SPANXN2: variants seen among roughly 807,000 people sequenced by gnomAD.
SPANXN2 encodes the protein sperm protein associated with the nucleus on the X chromosome N2.
SPANXN2 carries 1 observed loss-of-function variant against 2.0 expected under a neutral mutation model. That is an observed-to-expected ratio of 0.50 (90% confidence interval 0.18 to 2.36). The LOEUF (loss-of-function observed/expected upper bound fraction) is 2.36. SPANXN2 is among the 30% of genes most tolerant of loss of function. The pLI is 0.26. For synonymous variants in SPANXN2, 43 were observed against 49.8 expected, an observed-to-expected ratio of 0.86 and a Z score of 0.58; for missense variants, 88 against 116.7, an observed-to-expected ratio of 0.75 and a Z score of 1.13.
rs782465012 is a variant in SPANXN2 at position 143,718,428 on chromosome X, A to G, written c.78+2163T>C. On this transcript the variant is annotated intron_variant, in intron 1 of 1. Coordinates refer to ENST00000598475, the Ensembl canonical transcript of SPANXN2. Reference sequence around the variant, plus strand: ...AACCAGCGGGCTGGGTCTGAATCACAGACTCCTCCTCCCCCGCTCTCCAAC... The same window carrying G: ...AACCAGCGGGCTGGGTCTGAATCACGGACTCCTCCTCCCCCGCTCTCCAAC... Among the ~76,000 whole-genome samples, 3 of 111,516 alleles carry G rather than the reference A, an allele frequency of 2.7e-5. No individual in the cohort carries two copies. In the East Asian group the frequency reaches 8.5e-4, roughly 32 times the overall value.
chrX:143,718,390 T>A (rs1932305877), intron 1 of SPANXN2, among the ~76,000 whole-genome samples: 1 of 111,232 alleles, frequency 9.0e-6, no homozygotes, highest in Non-Finnish European at 1.9e-5. Flanking sequence ...AAAACACTCC[T>A]CCCTGTCCCT....
At chrX:143,714,194 C>T (rs1932219155) in intron 1 of SPANXN2, among the ~76,000 whole-genome samples, 1 of 110,730 alleles carries the variant, frequency 9.0e-6, no homozygotes, top group South Asian at 3.9e-4. Flanking sequence ...GGCACATGCC[C>T]AAAGGCCTTC....
chrX:143,713,124 A>C, intron 1 of SPANXN2, among the ~76,000 whole-genome samples: 1 of 111,190 alleles, frequency 9.0e-6, no homozygotes, highest in East Asian at 2.9e-4. Flanking sequence ...CTTCCCTTCA[A>C]AACCTAACAT....
Position 143,712,337 on chromosome X carries a change from C to T in SPANXN2, c.241G>A (p.Val81Ile), listed in dbSNP as rs782507654. ...AGGCCTTCGTCCTCCTCCTCTTGGA[C>T]TGGATTGATGGAGTTCTCTCGGGAC... Residue 81 changes from valine (V) to isoleucine (I), a missense_variant, in exon 2 of 2, where the codon GTC becomes ATC. Around this residue, in one of 2 missense-constraint regions of SPANXN2, gnomAD observed 59 missense variants for 56.4 expected, o/e 1.05. Coordinates refer to ENST00000598475, the Ensembl canonical transcript of SPANXN2. 36 of 1,211,230 alleles carry T rather than the reference C, an allele frequency of 3.0e-5. 1 individual carries two copies. Among genetic ancestry groups the T allele is most frequent in the African/African-American group, 1.0e-4 (6 of 57,517 alleles).
At chrX:143,715,675 C>T (rs1180699102) in intron 1 of SPANXN2, among the ~76,000 whole-genome samples, 2 of 105,161 alleles carry the variant, frequency 1.9e-5, no homozygotes, top group Non-Finnish European at 3.9e-5. Context: ...TAGGGGGTCT[C>T]AAACCTATTA....
chrX:143,712,979 C>T (rs1265866795), intron 1 of SPANXN2, among the ~76,000 whole-genome samples: 3 of 111,729 alleles, frequency 2.7e-5, no homozygotes, highest in East Asian at 2.8e-4. Flanking sequence ...CCCTCCTGCC[C>T]ATCCCTGTAA....
At position 143,717,433 on chromosome X, in the gene SPANXN2, C is replaced by T. The variant is rs782318247; in HGVS notation, c.78+3158G>A. ...ACCGAGAAAAACCTTTCAACAAATT[C>T]GGCAGCCTGGCAGGCAGCCCTTAAA... is the stretch of plus-strand genomic sequence containing the variant. On this transcript the variant is annotated intron_variant, in intron 1 of 1. Coordinates refer to ENST00000598475, the Ensembl canonical transcript of SPANXN2. 1.8e-4 allele frequency among the ~76,000 whole-genome samples: 20 copies of T among 111,358 alleles called. No homozygotes were observed. The South Asian group carries it at 2.7e-3, about 15-fold the overall frequency.
intron 1 of SPANXN2, among the ~76,000 whole-genome samples, chrX:143,713,667 C>T (rs73637119): frequency 2.8e-3 from 309 of 111,211 alleles, no homozygotes; most frequent in African/African-American, 9.6e-3. Context: ...ACTCACTTCC[C>T]TATGGGGTAT....
At chrX:143,716,706 A>T (rs1556449829) in intron 1 of SPANXN2, among the ~76,000 whole-genome samples, 1 of 111,860 alleles carries the variant, frequency 8.9e-6, no homozygotes, top group Non-Finnish European at 1.9e-5. Flanking sequence ...CTGACTAAAA[A>T]TCTTGGGTAT....
At chrX:143,715,157 G>A (rs1302670033) in intron 1 of SPANXN2, among the ~76,000 whole-genome samples, 14 of 111,198 alleles carry the variant, frequency 1.3e-4, no homozygotes, top group East Asian at 5.7e-4. Flanking sequence ...TCACCACCTC[G>A]GAACCCAGGG....
chrX:143,720,749 G>C (rs1932354578), exon 1 of SPANXN2: 1 of 1,085,218 alleles, frequency 9.2e-7, no homozygotes, highest in Non-Finnish European at 1.3e-6. Context: ...CTTGCCAGGA[G>C]GATGTCCCAG....
At chrX:143,715,919 C>G (rs1174420243) in intron 1 of SPANXN2, among the ~76,000 whole-genome samples, 1 of 111,679 alleles carries the variant, frequency 9.0e-6, no homozygotes, top group Non-Finnish European at 1.9e-5. Flanking sequence ...AACTATTTCA[C>G]TATTCCCTTA....
intron 1 of SPANXN2, among the ~76,000 whole-genome samples, chrX:143,714,701 C>T (rs1475249094): frequency 8.9e-6 from 1 of 111,903 alleles, no homozygotes; most frequent in Admixed American, 9.5e-5. Context: ...CAAAAACTAC[C>T]TCCATTTATA....
chrX:143,713,037 T>C (rs782786408), intron 1 of SPANXN2, among the ~76,000 whole-genome samples: 3 of 111,897 alleles, frequency 2.7e-5, no homozygotes, highest in East Asian at 5.7e-4. Context: ...AAGCTTGTCC[T>C]CCACTTCCAT....
intron 1 of SPANXN2, among the ~76,000 whole-genome samples, chrX:143,718,025 T>C (rs1406127746): frequency 8.9e-6 from 1 of 111,794 alleles, no homozygotes; most frequent in East Asian, 2.8e-4. Context: ...TGTTTCAGTT[T>C]AACCAACAGC....
At chrX:143,719,626 G>A (rs1426329503) in intron 1 of SPANXN2, among the ~76,000 whole-genome samples, 2 of 111,849 alleles carry the variant, frequency 1.8e-5, no homozygotes, top group Non-Finnish European at 3.8e-5. Flanking sequence ...TCTTATCTCT[G>A]CCTACTGGCC....
chrX:143,720,119 A>G (rs1201110212), intron 1 of SPANXN2, among the ~76,000 whole-genome samples: 2 of 111,036 alleles, frequency 1.8e-5, no homozygotes, highest in African/African-American at 6.6e-5. Context: ...CTTTTATACT[A>G]AAGTAGAAGG....
At chrX:143,713,887 GCCTC>G (rs1253108685) in intron 1 of SPANXN2, among the ~76,000 whole-genome samples, 1 of 48,842 alleles carries the variant, frequency 2.0e-5, no homozygotes, top group East Asian at 7.2e-4. Flanking sequence ...CTCCTTTCAT[GCCTC>G]ACTCTCTCTC....
exon 1 of SPANXN2, chrX:143,720,658 G>A (rs781966459): frequency 9.9e-6 from 12 of 1,208,408 alleles, no homozygotes; most frequent in South Asian, 8.8e-5. Flanking sequence ...GCTTGAAGTC[G>A]GCTGTTCCAT....
Sources: allele counts gnomAD v4.1 joint callset (sites outside exome capture counted in the v4.1 genomes callset), GRCh38; gene constraint gnomAD v4.1.1; regional missense constraint gnomAD v4.1.1; transcripts MANE v1.5; gene names NCBI Gene and HGNC (gene_info 2026-07-23, HGNC 2026-07-21).